The following CAPN14 variants were observed in gnomAD, a reference collection of about 807,000 sequenced individuals.
CAPN14 encodes calpain-14.
Under a neutral mutation model 101.3 loss-of-function variants are expected in CAPN14, and 94 were observed. The observed-to-expected ratio is 0.93, with a 90% CI of 0.79 to 1.10. The LOEUF (loss-of-function observed/expected upper bound fraction) is 1.10. CAPN14 is among the 50% of genes least tolerant of loss of function. CAPN14 has a pLI of 0.00. For missense variants in CAPN14, 837 were observed against 828.4 expected (o/e 1.01, Z -0.13); for synonymous variants, 338 against 317.9 (o/e 1.06, Z -0.67).
chr2:31,225,057 A>G lies in CAPN14; in HGVS notation c.-53+1471T>C, dbSNP rs1682979366. On this transcript the variant is annotated intron_variant and NMD_transcript_variant, in intron 2 of 21. Transcript: ENST00000398824. ...CGAAACATTAAAATTAACTTGGATTAGACACAGACAAAAGATTAATAAATG... is the reference window on the plus strand; with the variant it reads ...CGAAACATTAAAATTAACTTGGATTGGACACAGACAAAAGATTAATAAATG... 3.3e-5 allele frequency among the ~76,000 whole-genome samples: 5 copies of G among 152,102 alleles called. No homozygotes were observed. In the South Asian group the frequency reaches 1.0e-3, roughly 31 times the overall value.
At chr2:31,190,044 T>C (rs979707270) in intron 12 of CAPN14, among the ~76,000 whole-genome samples, 1 of 152,156 alleles carries the variant, frequency 6.6e-6, no homozygotes, top group Non-Finnish European at 1.5e-5. Flanking sequence ...AACACCCTTG[T>C]AAAGGACAAA....
At chr2:31,229,204 G>A (rs1330116761) in intron 1 of CAPN14, among the ~76,000 whole-genome samples, 1 of 152,180 alleles carries the variant, frequency 6.6e-6, no homozygotes, top group African/African-American at 2.4e-5. Context: ...GAAGGGGCAG[G>A]AGACAGGATG....
At chr2:31,204,761 A>G (rs780368640) in intron 2 of CAPN14, among the ~76,000 whole-genome samples, 1 of 152,074 alleles carries the variant, frequency 6.6e-6, no homozygotes, top group Non-Finnish European at 1.5e-5. Flanking sequence ...ATCCTTTGTC[A>G]TACCCTTTAA....
rs546462559 is a variant in CAPN14 at position 31,203,168 on chromosome 2, T to C, written c.226-29A>G. 11 of 1,546,322 alleles carry C rather than the reference T, an allele frequency of 7.1e-6. No homozygotes were observed. In the African/African-American group the frequency reaches 1.2e-4, roughly 17 times the overall value. On this transcript the variant is annotated intron_variant, in intron 2 of 21. Coordinates refer to ENST00000403897, the MANE Select transcript of CAPN14 (RefSeq NM_001145122.2). The stretch of plus-strand genomic sequence containing the variant: ...GGAAAGACAAACAGAATTGTCATTC[T>C]GACCTAGAACAAAAAAGCTCCTGGA...
At chr2:31,183,792 T>C (rs530554199) in intron 16 of CAPN14, among the ~76,000 whole-genome samples, 1 of 150,008 alleles carries the variant, frequency 6.7e-6, no homozygotes, top group East Asian at 2.0e-4. Flanking sequence ...TCTTCCCTCC[T>C]TTCCTTCCTT....
At chr2:31,209,125 A>G (rs1445652316) in intron 1 of CAPN14, among the ~76,000 whole-genome samples, 3 of 145,912 alleles carry the variant, frequency 2.1e-5, no homozygotes, top group East Asian at 4.0e-4. Flanking sequence ...TCATGCCACC[A>G]TGCGCAGCTA....
At chr2:31,233,706 T>C (rs1241494498) in intron 1 of CAPN14, 1 of 151,976 alleles carries the variant, frequency 6.6e-6, no homozygotes, top group Non-Finnish European at 1.5e-5. Context: ...GTTTGGGTAG[T>C]GACAGTTTTG....
At chr2:31,181,594 C>T (rs1245158183) in intron 16 of CAPN14, among the ~76,000 whole-genome samples, 1 of 147,256 alleles carries the variant, frequency 6.8e-6, no homozygotes, top group Non-Finnish European at 1.5e-5. Context: ...CGTATGTATA[C>T]ATGTGCCATG....
In CAPN14 at chr2:31,186,521, G is replaced by A. The variant is rs1027693579; in HGVS notation, c.1588-36C>T. On this transcript the variant is annotated intron_variant, in intron 15 of 21. Transcript: ENST00000403897. ...AGCAGATTGGCAAGAAAAAATAACT[G>A]TTACTGAAGGCTCATTAGATGGCAG... 3 of 1,489,674 alleles carry A rather than the reference G, an allele frequency of 2.0e-6. No individual in the cohort carries two copies. In the African/African-American group the frequency reaches 4.2e-5, roughly 21 times the overall value. The allele number at this position is 1,489,674 out of a possible 1,614,324, so 92.3% of individuals were successfully genotyped here. A position where few individuals can be genotyped will look rare whatever the true frequency, so the allele number is the denominator to read the frequency against.
At chr2:31,216,268 C>T (rs1033189998) in intron 1 of CAPN14, among the ~76,000 whole-genome samples, 6 of 152,162 alleles carry the variant, frequency 3.9e-5, no homozygotes, top group Admixed American at 2.6e-4. Flanking sequence ...TGAGGTCGAG[C>T]GATCTATCAC....
rs112009653 is a variant in CAPN14, at chr2:31,189,698, C to T, written c.1288-220G>A. Reference sequence around the variant, plus strand: ...TGGAACCTATCAGGGGCTACATAAACACGTGTCATTTGATTTGACTTACCT... The same window carrying T: ...TGGAACCTATCAGGGGCTACATAAATACGTGTCATTTGATTTGACTTACCT... On this transcript the variant is annotated intron_variant, in intron 12 of 21. Coordinates refer to ENST00000403897, the MANE Select transcript of CAPN14 (RefSeq NM_001145122.2). The T allele has an allele frequency of 3.2e-3, 2,117 of 655,746 alleles. 33 individuals carry two copies. The highest frequency in any genetic ancestry group is 0.031 in the African/African-American group (1,744 of 56,420). The allele number at this position is 655,746 out of a possible 1,614,324, so 40.6% of individuals were successfully genotyped here.
At position 31,193,235 on chromosome 2, in the gene CAPN14, G is replaced by C. The variant is rs887444986; in HGVS notation, c.1010C>G (p.Pro337Arg). The change falls in exon 10 of 22, where the codon CCA (proline) becomes CGA (arginine). Residue 337 changes from proline to arginine, a missense_variant. Transcript: ENST00000403897. ...GGCCGCCTCCTGGCTCAACAGGCCT[G>C]GGGTCAGTTTACAGATAACCAGGAG... ...FVLLVICKLT[P>R]GLLSQEAAQK... 3.9e-6 allele frequency: 6 copies of C among 1,551,616 alleles called. No homozygotes were observed. In the African/African-American group the frequency reaches 6.8e-5, roughly 18 times the overall value.
At chr2:31,228,669 T>C (rs959520162) in intron 1 of CAPN14, among the ~76,000 whole-genome samples, 1 of 152,228 alleles carries the variant, frequency 6.6e-6, no homozygotes, top group African/African-American at 2.4e-5. Flanking sequence ...GGCAGTGCCA[T>C]GTAGTGGATA....
Position 31,193,135 on chromosome 2 carries a change from C to A in CAPN14, c.1110G>T (p.Leu370=). ...RSTAGGQRQL[L]QDTFWKNPQF... The stretch of plus-strand genomic sequence containing the variant: ...TGCTCCTGTGCACATGCTCACCCTG[C>A]AGCAACTGCCTCTGGCCACCAGCTG... Residue 370 remains leucine, a synonymous_variant, in exon 10 of 22, where the codon CTG becomes CTT. Coordinates refer to ENST00000403897, the MANE Select transcript of CAPN14 (RefSeq NM_001145122.2). The A allele has an allele frequency of 6.5e-7, 1 of 1,549,704 alleles. No individual in the cohort carries two copies. The highest frequency in any genetic ancestry group is 8.7e-7 in the Non-Finnish European group (1 of 1,146,836).
At chr2:31,221,938 T>G (rs922199034), upstream of CAPN14, among the ~76,000 whole-genome samples, 1 of 152,204 alleles carries the variant, frequency 6.6e-6, no homozygotes, top group Non-Finnish European at 1.5e-5. Context: ...TGGGAGTTTT[T>G]CACACACAAC....
intron 17 of CAPN14, 87 bp downstream of exon 17, chr2:31,180,849 G>A: frequency 9.0e-7 from 1 of 1,114,116 alleles, no homozygotes. Context: ...GCAAGGATTG[G>A]GGTTGGGATT....
intron 2 of CAPN14, among the ~76,000 whole-genome samples, chr2:31,224,138 T>TAAA (rs1682949683): frequency 3.9e-5 from 6 of 152,308 alleles, no homozygotes; most frequent in Non-Finnish European, 7.3e-5. Flanking sequence ...GGCAGTGCTT[T>TAAA]AGTATTCTTG....
In CAPN14 at chr2:31,205,400, C is replaced by G. The variant is rs1441454971; in HGVS notation, c.48G>C (p.Arg16Ser). 1 of 1,551,550 alleles carries G rather than the reference C, an allele frequency of 6.4e-7. No individual in the cohort carries two copies. The change falls in exon 2 of 22, where the codon AGG becomes AGC. Residue 16 changes from arginine (R) to serine (S), a missense_variant. By Grantham distance (110) the Arg-to-Ser change is moderately radical. Coordinates refer to ENST00000403897, the MANE Select transcript of CAPN14 (RefSeq NM_001145122.2). ...PFRCRWKLAPRYSRRASPQQP... is the reference protein window; with the variant it reads ...PFRCRWKLAPSYSRRASPQQP... The stretch of plus-strand genomic sequence containing the variant: ...GCTGTGGAGACGCCCTCCTAGAGTA[C>G]CTTGGCGCCAGCTTCCATCTGCATC...
chr2:31,232,371 C>G (rs1333838561), intron 1 of CAPN14, among the ~76,000 whole-genome samples: 1 of 152,200 alleles, frequency 6.6e-6, no homozygotes, highest in Non-Finnish European at 1.5e-5. Flanking sequence ...GACCTCTTCT[C>G]CAATCCCATT....
Sources: allele counts gnomAD v4.1 joint callset (sites outside exome capture counted in the v4.1 genomes callset), GRCh38; gene constraint gnomAD v4.1.1; transcripts MANE v1.5; gene names NCBI Gene and HGNC (gene_info 2026-07-23, HGNC 2026-07-21).